PSMB2: variants seen among roughly 807,000 people sequenced by gnomAD.
The protein encoded by PSMB2 is proteasome 20S subunit beta 2.
In PSMB2, 13 loss-of-function variants were observed where a neutral mutation model predicts 25.7. The ratio of observed to expected loss-of-function variants is 0.51; its 90% CI spans 0.33 to 0.80. The LOEUF (loss-of-function observed/expected upper bound fraction) is 0.80, where lower values mean the gene tolerates loss of function less well. Ranked by LOEUF, PSMB2 falls within the 30% of genes least tolerant of loss-of-function variation. PSMB2 has a pLI of 0.02. For missense variants in PSMB2, 202 were observed against 259.0 expected (o/e 0.78, Z 1.51); for synonymous variants, 87 against 96.2 (o/e 0.90, Z 0.56).
intron 3 of PSMB2, among the ~76,000 whole-genome samples, chr1:35,616,298 C>T (rs1650490267): frequency 6.6e-6 from 1 of 152,224 alleles, no homozygotes; most frequent in Non-Finnish European, 1.5e-5. Flanking sequence ...CAGTTTCACA[C>T]TCATATATTT....
rs58470737 is a variant in PSMB2 at position 35,605,308 on chromosome 1, A to G, written c.449-26T>C. ...CTGAAAGAGAACACAGAGACCAAATACTTCCGGTGCTGTCATTATATCCAA... is the reference window on the plus strand; with the variant it reads ...CTGAAAGAGAACACAGAGACCAAATGCTTCCGGTGCTGTCATTATATCCAA... On this transcript the variant is annotated intron_variant, in intron 4 of 5. Transcript: ENST00000373237. The G allele has an allele frequency of 7.8e-3, 12,497 of 1,605,378 alleles. 66 individuals are homozygous for G. Among genetic ancestry groups the G allele is most frequent in the South Asian group, 0.011 (962 of 90,428 alleles).
At chr1:35,632,565 C>T (rs923066364) in intron 2 of PSMB2, among the ~76,000 whole-genome samples, 1 of 152,156 alleles carries the variant, frequency 6.6e-6, no homozygotes, top group African/African-American at 2.4e-5. Flanking sequence ...GTACTTTATC[C>T]TCACAAGTCT....
intron 4 of PSMB2, among the ~76,000 whole-genome samples, chr1:35,608,077 G>A (rs937230760): frequency 2.0e-5 from 3 of 152,132 alleles, no homozygotes; most frequent in South Asian, 2.1e-4. Flanking sequence ...TAAAAGATAC[G>A]AAATTGGCAG....
At chr1:35,628,634 T>A (rs1163429469) in intron 3 of PSMB2, among the ~76,000 whole-genome samples, 51 of 67,324 alleles carry the variant, frequency 7.6e-4, no homozygotes, top group African/African-American at 2.4e-3. Flanking sequence ...TATATATATT[T>A]TTTTTTTTTT....
rs1271571187 is a variant in PSMB2 at position 35,600,735 on chromosome 1, T to C, written c.*2532A>G. On this transcript the variant is annotated 3_prime_UTR_variant, in exon 6 of 6. Coordinates refer to ENST00000373237, the MANE Select transcript of PSMB2 (RefSeq NM_002794.5). ...GAGATCCAGATTGGCAAAAAAACAC[T>C]GAGAGTCAGGATGGGTTTGCAGGCT... 1 of 985,334 alleles carries C rather than the reference T, an allele frequency of 1.0e-6. No homozygotes were observed. Among genetic ancestry groups the C allele is most frequent in the Admixed American group, 6.1e-5 (1 of 16,266 alleles). 61.0% of individuals were successfully genotyped at this position (985,334 alleles called of 1,614,324 possible). A position where few individuals can be genotyped will look rare whatever the true frequency, so the allele number is the denominator to read the frequency against.
chr1:35,612,526 T>C (rs1650373322), intron 3 of PSMB2, among the ~76,000 whole-genome samples: 1 of 152,194 alleles, frequency 6.6e-6, no homozygotes, highest in Non-Finnish European at 1.5e-5. Flanking sequence ...ATTAGTTATA[T>C]ATAAGTGTGA....
intron 2 of PSMB2, 96 bp from the exon 3 acceptor site, chr1:35,631,440 T>C (rs1651094858): frequency 6.4e-7 from 1 of 1,568,564 alleles, no homozygotes; most frequent in Admixed American, 1.9e-5. Context: ...GCCCACCATC[T>C]TTTGTACACT....
chr1:35,631,035 C>A (rs1651077907), intron 3 of PSMB2, among the ~76,000 whole-genome samples: 2 of 152,160 alleles, frequency 1.3e-5, no homozygotes, highest in African/African-American at 4.8e-5. Context: ...TAAGTTGTCA[C>A]AGGCCTTCAT....
chr1:35,622,931 GTC>G (rs1419177346), intron 3 of PSMB2, among the ~76,000 whole-genome samples: 1 of 151,944 alleles, frequency 6.6e-6, no homozygotes, highest in Non-Finnish European at 1.5e-5. Flanking sequence ...TCAACAGCCA[GTC>G]TTTGTCTTCC....
chr1:35,631,185 G>T (rs1651083783), intron 3 of PSMB2, 89 bp downstream of exon 3: 1 of 1,397,492 alleles, frequency 7.2e-7, no homozygotes. Context: ...CCAAAAAAGG[G>T]CAAAAATACT....
chr1:35,619,917 T>C (rs1007599297), intron 3 of PSMB2, among the ~76,000 whole-genome samples: 1 of 152,244 alleles, frequency 6.6e-6, no homozygotes, highest in Non-Finnish European at 1.5e-5. Flanking sequence ...GATTGTGCAA[T>C]GATAAAACCA....
intron 3 of PSMB2, among the ~76,000 whole-genome samples, chr1:35,611,107 T>A (rs1324867453): frequency 1.3e-5 from 2 of 152,194 alleles, no homozygotes; most frequent in African/African-American, 4.8e-5. Context: ...GCAGGATGTG[T>A]TTCTCCTCTT....
At chr1:35,621,016 A>G (rs1650666157) in intron 3 of PSMB2, among the ~76,000 whole-genome samples, 1 of 151,758 alleles carries the variant, frequency 6.6e-6, no homozygotes, top group African/African-American at 2.4e-5. Flanking sequence ...ATAAATAAAT[A>G]TATATATTTA....
chr1:35,603,044 G>A lies in PSMB2; in HGVS notation c.*223C>T. On this transcript the variant is annotated 3_prime_UTR_variant, in exon 6 of 6. Coordinates refer to ENST00000373237, the MANE Select transcript of PSMB2 (RefSeq NM_002794.5). ...GTACTGAGCGTTAATGGAGGGCGGA[G>A]CAGGAAGAAAAGTCAGACCTGGCAA... The A allele has an allele frequency of 1.5e-6, 2 of 1,306,570 alleles. No individual in the cohort carries two copies. The highest frequency in any genetic ancestry group is 2.0e-6 in the Non-Finnish European group (2 of 1,025,008). The allele number at this position is 1,306,570 out of a possible 1,614,324, so 80.9% of individuals were successfully genotyped here.
intron 2 of PSMB2, among the ~76,000 whole-genome samples, chr1:35,634,243 A>G (rs1160853045): frequency 6.6e-6 from 1 of 152,260 alleles, no homozygotes; most frequent in Non-Finnish European, 1.5e-5. Context: ...ATATTTTCAT[A>G]TGTATTATTC....
In PSMB2 at chr1:35,603,285, G is replaced by A. The variant is rs373435113; in HGVS notation, c.588C>T (p.Phe196=). ...CATGATGTTAGGAGCCCTGTTTGGG[G>A]AAGGAAATGTTATCCAGGTCATGGA... ...NGIHDLDNIS[F]PKQGS Residue 196 remains phenylalanine (F), a synonymous_variant, in exon 6 of 6, where the codon TTC becomes TTT. Transcript: ENST00000373237. 3.7e-6 allele frequency: 6 copies of A among 1,614,046 alleles called. No individual in the cohort carries two copies. In the African/African-American group the frequency reaches 5.3e-5, roughly 14 times the overall value.
At chr1:35,635,038 T>C (rs894788369) in intron 2 of PSMB2, among the ~76,000 whole-genome samples, 7 of 151,964 alleles carry the variant, frequency 4.6e-5, no homozygotes, top group Non-Finnish European at 1.0e-4. Context: ...GGTGGGCAGA[T>C]CATCTGAGGT....
chr1:35,601,351 G>A lies in PSMB2; in HGVS notation c.*1916C>T. The A allele has an allele frequency of 1.0e-6, 1 of 983,820 alleles. No individual in the cohort carries two copies. The highest frequency in any genetic ancestry group is 1.2e-6 in the Non-Finnish European group (1 of 828,592). The allele number at this position is 983,820 out of a possible 1,614,324, so 60.9% of individuals were successfully genotyped here. The stretch of plus-strand genomic sequence containing the variant: ...GGGCGGCCAAAGTGCTGGGATTACA[G>A]GCATGAGCCACCGCACCCGGCCAAC... On this transcript the variant is annotated 3_prime_UTR_variant, in exon 6 of 6. Transcript: ENST00000373237.
At position 35,628,614 on chromosome 1, in the gene PSMB2, T is replaced by TA. The variant is rs1349830540; in HGVS notation, c.285+2659dup. On this transcript the variant is annotated intron_variant, in intron 3 of 5. Transcript: ENST00000373237. The stretch of plus-strand genomic sequence containing the variant: ...AAAAAAAAATATATATATATATATA[T>TA]ATATATATATATATATATTTTTTTT... Among the ~76,000 whole-genome samples, 44 of 50,788 alleles carry TA rather than the reference T, an allele frequency of 8.7e-4. 2 individuals carry two copies. The highest frequency in any genetic ancestry group is 3.5e-3 in the African/African-American group (43 of 12,444). The allele number at this position is 50,788 out of a possible 152,430, so 33.3% of individuals were successfully genotyped here.
Sources: allele counts gnomAD v4.1 joint callset (sites outside exome capture counted in the v4.1 genomes callset), GRCh38; gene constraint gnomAD v4.1.1; transcripts MANE v1.5; gene names NCBI Gene and HGNC (gene_info 2026-07-23, HGNC 2026-07-21).